Variants in SUGCT observed in about 807,000 individuals in gnomAD.
SUGCT encodes the protein succinyl-CoA:glutarate CoA-transferase.
A neutral mutation model predicts 55.0 loss-of-function variants in SUGCT; 41 were observed. That is an observed-to-expected ratio of 0.74 (90% confidence interval 0.58 to 0.97). SUGCT has a LOEUF of 0.97. Among genes scored for constraint, SUGCT ranks in the 50% least tolerant of loss-of-function variants. The pLI is 0.00. For missense variants in SUGCT, 568 were observed against 547.8 expected (o/e 1.04, Z -0.37); for synonymous variants, 187 against 200.4 (o/e 0.93, Z 0.56).
chr7:40,512,164 T>G (rs1792966679), intron 12 of SUGCT, among the ~76,000 whole-genome samples: 1 of 152,190 alleles, frequency 6.6e-6, no homozygotes, highest in East Asian at 1.9e-4. Flanking sequence ...TCATTTAACT[T>G]TTTTGAAAAA....
chr7:40,394,609 T>G (rs1221529057), intron 9 of SUGCT, among the ~76,000 whole-genome samples: 1 of 152,256 alleles, frequency 6.6e-6, no homozygotes, highest in Non-Finnish European at 1.5e-5. Context: ...CACCATGTTG[T>G]GCAATAGATC....
intron 12 of SUGCT, among the ~76,000 whole-genome samples, chr7:40,592,835 C>T (rs559594844): frequency 3.3e-5 from 5 of 152,296 alleles, no homozygotes; most frequent in East Asian, 3.9e-4. Context: ...TTGCTGTTTC[C>T]CATCTCTAGG....
At chr7:40,972,977 C>T in the SUGCT span, among the ~76,000 whole-genome samples, 4 of 152,240 alleles carry the variant, frequency 2.6e-5, no homozygotes, top group Non-Finnish European at 5.9e-5. Context: ...TGGCCTCTCT[C>T]ATCTGAGCAC....
the SUGCT span, among the ~76,000 whole-genome samples, chr7:40,943,372 C>T: frequency 1.9e-3 from 287 of 148,690 alleles, 1 homozygote; most frequent in African/African-American, 6.4e-3. Flanking sequence ...GCTGGTGTGC[C>T]GCACCCATTA....
intron 12 of SUGCT, among the ~76,000 whole-genome samples, chr7:40,702,747 G>A (rs1785220270): frequency 6.6e-6 from 1 of 152,162 alleles, no homozygotes; most frequent in African/African-American, 2.4e-5. Flanking sequence ...TGTCCTGCAA[G>A]TGTCAGTGCA....
chr7:40,500,280 C>T (rs1792206472), intron 12 of SUGCT, among the ~76,000 whole-genome samples: 1 of 152,144 alleles, frequency 6.6e-6, no homozygotes, highest in Admixed American at 6.5e-5. Context: ...AGAGTCTTCA[C>T]ATTTGTACCA....
intron 9 of SUGCT, among the ~76,000 whole-genome samples, chr7:40,354,347 G>A (rs990388525): frequency 6.6e-6 from 1 of 152,120 alleles, no homozygotes; most frequent in Non-Finnish European, 1.5e-5. Context: ...GGAAAAGCAG[G>A]GATCTGTCAC....
chr7:40,507,834 C>T (rs1203937464), intron 12 of SUGCT, among the ~76,000 whole-genome samples: 2 of 152,206 alleles, frequency 1.3e-5, no homozygotes, highest in Non-Finnish European at 2.9e-5. Flanking sequence ...TGTGTACATC[C>T]TTTCTTGCAT....
intron 13 of SUGCT, among the ~76,000 whole-genome samples, chr7:40,792,135 G>A (rs1790342700): frequency 6.6e-6 from 1 of 152,124 alleles, no homozygotes; most frequent in African/African-American, 2.4e-5. Flanking sequence ...AAGCTGCATT[G>A]ATTTAATAAA....
At chr7:40,304,907 T>C (rs1311185387) in intron 8 of SUGCT, among the ~76,000 whole-genome samples, 1 of 152,150 alleles carries the variant, frequency 6.6e-6, no homozygotes, top group Non-Finnish European at 1.5e-5. Context: ...CCCTTTATAA[T>C]TATGATTAAA....
intron 5 of SUGCT, among the ~76,000 whole-genome samples, chr7:40,191,419 G>A (rs1218677530): frequency 6.6e-6 from 1 of 152,150 alleles, no homozygotes; most frequent in Non-Finnish European, 1.5e-5. Flanking sequence ...TAATTATTAA[G>A]ATCAGAATCA....
chr7:40,241,550 G>A (rs1210570947), intron 7 of SUGCT, among the ~76,000 whole-genome samples: 1 of 149,806 alleles, frequency 6.7e-6, no homozygotes, highest in East Asian at 1.9e-4. Flanking sequence ...CTGCCCTCCA[G>A]CCTGGGTGTG....
intron 12 of SUGCT, among the ~76,000 whole-genome samples, chr7:40,637,625 G>A (rs1382645591): frequency 6.6e-6 from 1 of 152,194 alleles, no homozygotes. Context: ...CAGCGTGATG[G>A]TCCTCTGGTA....
chr7:40,489,819 T>C (rs1170162720), intron 11 of SUGCT, among the ~76,000 whole-genome samples: 1 of 152,222 alleles, frequency 6.6e-6, no homozygotes, highest in East Asian at 1.9e-4. Flanking sequence ...CCCCAGCACC[T>C]TATTTTGTCC....
intron 12 of SUGCT, among the ~76,000 whole-genome samples, chr7:40,608,542 A>T (rs1168057370): frequency 6.6e-6 from 1 of 152,224 alleles, no homozygotes; most frequent in African/African-American, 2.4e-5. Flanking sequence ...TAAGTAGTTT[A>T]GATTACTATC....
At chr7:40,768,672 G>A (rs112935926) in intron 13 of SUGCT, among the ~76,000 whole-genome samples, 32 of 152,318 alleles carry the variant, frequency 2.1e-4, no homozygotes, top group Middle Eastern at 3.4e-3. Context: ...CCTATAGGCC[G>A]TTCATTTTCT....
chr7:40,789,161 A>G (rs1790184748), intron 13 of SUGCT, among the ~76,000 whole-genome samples: 1 of 152,208 alleles, frequency 6.6e-6, no homozygotes, highest in Admixed American at 6.5e-5. Flanking sequence ...TTTTGAGTGT[A>G]CAATACAGTG....
intron 9 of SUGCT, among the ~76,000 whole-genome samples, chr7:40,432,660 T>C (rs1390222675): frequency 1.5e-5 from 2 of 135,236 alleles, no homozygotes; most frequent in Non-Finnish European, 3.1e-5. Context: ...CACTCCAGCC[T>C]GAGCAACAGA....
At chr7:40,836,834 C>A (rs1328309264) in intron 13 of SUGCT, among the ~76,000 whole-genome samples, 2 of 152,014 alleles carry the variant, frequency 1.3e-5, no homozygotes, top group African/African-American at 4.8e-5. Context: ...GAATACAACA[C>A]CTTTGTTTAA....
Sources: gnomAD v4.1 joint callset for allele counts (sites outside exome capture counted in the v4.1 genomes callset) on GRCh38, gnomAD v4.1.1 for gene constraint, MANE v1.5 for transcripts, NCBI Gene and HGNC (gene_info 2026-07-23, HGNC 2026-07-21) for gene names.